The following NKAIN3 variants were observed in gnomAD, a reference collection of about 807,000 sequenced individuals.
NKAIN3 encodes the protein sodium/potassium-transporting ATPase subunit beta-1-interacting protein 3.
In NKAIN3, 25 loss-of-function variants were observed where a neutral mutation model predicts 30.2. The observed-to-expected ratio is 0.83, with a 90% CI of 0.60 to 1.16. The LOEUF (loss-of-function observed/expected upper bound fraction) is 1.16. NKAIN3 is among the 50% of genes most tolerant of loss of function. NKAIN3 has a pLI of 0.00. For synonymous variants in NKAIN3, 91 were observed against 89.6 expected (o/e 1.02, Z -0.09); for missense variants, 225 against 254.1 (o/e 0.89, Z 0.78).
chr8:62,274,282 T>A (rs926017270), intron 1 of NKAIN3, among the ~76,000 whole-genome samples: 4 of 152,176 alleles, frequency 2.6e-5, no homozygotes, highest in Non-Finnish European at 5.9e-5. Context: ...TTGGAGACTG[T>A]GAGAGACAGT....
At chr8:62,481,960 C>CAATGCAGCCCAT (rs1161479645) in intron 1 of NKAIN3, among the ~76,000 whole-genome samples, 1 of 152,158 alleles carries the variant, frequency 6.6e-6, no homozygotes, top group African/African-American at 2.4e-5. Context: ...CCACAAAACC[C>CAATGCAGCCCAT]AATGCAGCCC....
At chr8:62,388,269 G>A (rs148571122) in intron 1 of NKAIN3, among the ~76,000 whole-genome samples, 5 of 152,272 alleles carry the variant, frequency 3.3e-5, no homozygotes, top group Admixed American at 2.6e-4. Context: ...TTGTTCTTCT[G>A]TTTCAGATTA....
intron 3 of NKAIN3, among the ~76,000 whole-genome samples, chr8:62,620,735 A>T (rs1173701093): frequency 2.6e-5 from 4 of 152,134 alleles, no homozygotes; most frequent in Non-Finnish European, 5.9e-5. Flanking sequence ...AACTTTCTTT[A>T]TGTATCAGGT....
At chr8:62,348,533 T>G (rs7836906) in intron 1 of NKAIN3, among the ~76,000 whole-genome samples, 5,957 of 152,218 alleles carry the variant, frequency 0.039, 422 homozygotes, top group African/African-American at 0.14. Context: ...CTCACAGTTT[T>G]TATGAGACCC....
intron 5 of NKAIN3, chr8:62,990,276 C>A (rs1824294869): frequency 2.7e-6 from 4 of 1,481,670 alleles, no homozygotes; most frequent in Non-Finnish European, 3.6e-6. Context: ...ATCAGTCAAG[C>A]CTCATGTGCT....
intron 1 of NKAIN3, among the ~76,000 whole-genome samples, chr8:62,336,823 A>C (rs1815567144): frequency 6.6e-6 from 1 of 152,000 alleles, no homozygotes; most frequent in South Asian, 2.1e-4. Flanking sequence ...GATGGTCCAC[A>C]ACCGAAGTCA....
chr8:62,384,818 C>G (rs376766691), intron 1 of NKAIN3, among the ~76,000 whole-genome samples: 3 of 152,084 alleles, frequency 2.0e-5, no homozygotes, highest in African/African-American at 7.2e-5. Flanking sequence ...GACTGCAGTT[C>G]CCAAAGGATG....
In NKAIN3 at chr8:62,597,206, A is replaced by G. The variant is rs967970779; in HGVS notation, c.273+7412A>G. Among the ~76,000 whole-genome samples the G allele has an allele frequency of 2.0e-5, 3 of 152,178 alleles. No individual in the cohort carries two copies. In the East Asian group the frequency reaches 5.8e-4, roughly 30 times the overall value. On this transcript the variant is annotated intron_variant, in intron 3 of 6. Transcript: ENST00000623646. ...GCTATTCCTGTTTCTTCTGTGACAT[A>G]TAAAGAAAAGTCTTGCCCCGTTGGC...
chr8:62,887,695 T>G (rs1167680875), intron 4 of NKAIN3, among the ~76,000 whole-genome samples: 3 of 152,210 alleles, frequency 2.0e-5, no homozygotes, highest in Non-Finnish European at 2.9e-5. Flanking sequence ...CCTTTATTTC[T>G]TATACAATGT....
chr8:62,543,226 A>G (rs887767939), intron 1 of NKAIN3, among the ~76,000 whole-genome samples: 5 of 151,976 alleles, frequency 3.3e-5, no homozygotes, highest in African/African-American at 1.2e-4. Flanking sequence ...AGAGTTCCAC[A>G]CTCATATTAT....
chr8:62,787,321 C>G (rs1362930298), intron 4 of NKAIN3, among the ~76,000 whole-genome samples: 2 of 151,694 alleles, frequency 1.3e-5, no homozygotes, highest in African/African-American at 2.4e-5. Context: ...AGGCAGCTAG[C>G]AATAGAAGCA....
At chr8:62,993,986 G>A (rs947229801) in intron 5 of NKAIN3, among the ~76,000 whole-genome samples, 2 of 151,974 alleles carry the variant, frequency 1.3e-5, no homozygotes, top group Non-Finnish European at 2.9e-5. Context: ...TTATTCCAGA[G>A]CCTTTTATAA....
intron 1 of NKAIN3, among the ~76,000 whole-genome samples, chr8:62,412,775 A>T (rs1804286548): frequency 1.3e-5 from 2 of 151,356 alleles, no homozygotes; most frequent in Non-Finnish European, 1.5e-5. Flanking sequence ...AGCCGAGCAT[A>T]GTGGTGGGTG....
intron 1 of NKAIN3, among the ~76,000 whole-genome samples, chr8:62,313,741 A>AGCC (rs1475472093): frequency 6.6e-6 from 1 of 152,134 alleles, no homozygotes. Flanking sequence ...GTGTTATAAG[A>AGCC]ATTTCAGCAC....
chr8:62,342,490 C>A (rs1173217072), intron 1 of NKAIN3, among the ~76,000 whole-genome samples: 1 of 151,990 alleles, frequency 6.6e-6, no homozygotes. Context: ...TCCTCTGTAA[C>A]AAAAGTGTCT....
chr8:62,691,233 C>G (rs1813957032), intron 3 of NKAIN3, among the ~76,000 whole-genome samples: 1 of 152,120 alleles, frequency 6.6e-6, no homozygotes, highest in African/African-American at 2.4e-5. Context: ...AGCCCTGAAG[C>G]AGGTGTTATT....
chr8:62,603,216 G>A (rs1563479284), intron 3 of NKAIN3, among the ~76,000 whole-genome samples: 1 of 152,102 alleles, frequency 6.6e-6, no homozygotes, highest in Admixed American at 6.6e-5. Flanking sequence ...TGTCAATTAA[G>A]AGTACAGTCT....
rs1243284317 is a variant in NKAIN3, at chr8:62,969,247, T to G, written c.*3840T>G. 6.6e-6 allele frequency among the ~76,000 whole-genome samples: 1 copy of G among 152,228 alleles called. No homozygotes were observed. Among genetic ancestry groups the G allele is most frequent in the Admixed American group, 6.5e-5 (1 of 15,280 alleles). ...GCAGCCAGTTTCAAGAGGCTGGCTC[T>G]AACAAAATATACCAAGGCTGTCATC... On this transcript the variant is annotated 3_prime_UTR_variant, in exon 7 of 7. Coordinates refer to ENST00000623646, the MANE Select transcript of NKAIN3 (RefSeq NM_001304533.3).
At position 62,976,227 on chromosome 8, in the gene NKAIN3, C is replaced by G. The variant is rs1258356410; in HGVS notation, c.*10820C>G. On this transcript the variant is annotated 3_prime_UTR_variant, in exon 7 of 7. Transcript: ENST00000623646. ...GCTTGGTCAAGAGGTGAGTTCAAGTCCTGAATATCCTTGTTAATTTTCTAT... is the reference window on the plus strand; with the variant it reads ...GCTTGGTCAAGAGGTGAGTTCAAGTGCTGAATATCCTTGTTAATTTTCTAT... Among the ~76,000 whole-genome samples the G allele has an allele frequency of 6.6e-6, 1 of 151,404 alleles. No homozygotes were observed. Among genetic ancestry groups the G allele is most frequent in the East Asian group, 1.9e-4 (1 of 5,138 alleles).
Sources: allele counts gnomAD v4.1 joint callset (sites outside exome capture counted in the v4.1 genomes callset), GRCh38; gene constraint gnomAD v4.1.1; transcripts MANE v1.5; gene names NCBI Gene and HGNC (gene_info 2026-07-23, HGNC 2026-07-21).